The following ANKRD27 variants were observed in gnomAD, a reference collection of about 807,000 sequenced individuals.
ANKRD27 encodes the protein ankyrin repeat domain-containing protein 27.
In ANKRD27, 112 loss-of-function variants were observed where a neutral mutation model predicts 129.7. The observed-to-expected ratio is 0.86, with a 90% CI of 0.74 to 1.01. The LOEUF is 1.01. Ranked by LOEUF, ANKRD27 falls within the 50% of genes least tolerant of loss-of-function variation. ANKRD27 has a pLI of 0.00. For missense variants in ANKRD27, 1,258 were observed against 1,300.5 expected (o/e 0.97, Z 0.50); for synonymous variants, 516 against 511.2 (o/e 1.01, Z -0.13).
At chr19:32,639,277 C>T in intron 12 of ANKRD27, 79 bp downstream of exon 12, 1 of 1,564,440 alleles carries the variant, frequency 6.4e-7, no homozygotes, top group Non-Finnish European at 8.7e-7. Flanking sequence ...AATCCGTCTG[C>T]CCACATACCA....
rs772176447 is a variant in ANKRD27 at position 32,642,131 on chromosome 19, C to T, written c.797G>A (p.Arg266His). ...CAGCTGAGCCAGCTCTCTTTTGGCA[C>T]GAGGTATGTTAAAGCTGTAAAATAA... ...VKPEFSFNIP[R>H]AKRELAQLNK... is the part of the protein sequence containing the mutation. The change falls in exon 10 of 29, where the codon CGT becomes CAT. Residue 266 changes from arginine to histidine, a missense_variant. By Grantham distance (29) the Arg-to-His change is conservative. Transcript: ENST00000306065. 1.4e-5 allele frequency: 22 copies of T among 1,604,806 alleles called. No individual in the cohort carries two copies. Among genetic ancestry groups the T allele is most frequent in the African/African-American group, 1.3e-4 (10 of 74,580 alleles).
chr19:32,605,945 A>T lies in ANKRD27; in HGVS notation c.2383T>A (p.Cys795Ser), dbSNP rs781145259. 6.2e-7 allele frequency: 1 copy of T among 1,613,736 alleles called. No homozygotes were observed. The highest frequency in any genetic ancestry group is 1.1e-5 in the South Asian group (1 of 91,070). ...CQQGHFQVVK[C>S]LLDSNAKPNK... ...GGTTTTGCATTCGAATCTAACAGAC[A>T]CTTCACCACCTGGGCCAGAGAAGGA... Residue 795 changes from cysteine to serine, a missense_variant, in exon 24 of 29, where the codon TGT becomes AGT. Cys to Ser is a moderately radical substitution (Grantham distance 112, BLOSUM62 -1). Transcript: ENST00000306065.
At chr19:32,674,571 AC>A (rs10711405) in intron 1 of ANKRD27, among the ~76,000 whole-genome samples, 109,283 of 151,122 alleles carry the variant, frequency 0.72, 39,669 homozygotes, top group Non-Finnish European at 0.76. Context: ...GAATGCAGAG[AC>A]CCCCCCGCCC....
intron 2 of ANKRD27, among the ~76,000 whole-genome samples, chr19:32,652,187 G>A (rs907666384): frequency 6.6e-6 from 1 of 152,234 alleles, no homozygotes; most frequent in Non-Finnish European, 1.5e-5. Flanking sequence ...CGGCATAGAC[G>A]AAGTTCAGAG....
At chr19:32,607,495 T>C (rs2145261278) in intron 23 of ANKRD27, 140 bp downstream of exon 23, 1 of 1,028,918 alleles carries the variant, frequency 9.7e-7, no homozygotes, top group East Asian at 2.6e-5. Context: ...TGGCCTACCG[T>C]GTGCACCTCA....
intron 21 of ANKRD27, among the ~76,000 whole-genome samples, chr19:32,616,771 C>T (rs1191759625): frequency 6.6e-6 from 1 of 152,162 alleles, no homozygotes; most frequent in African/African-American, 2.4e-5. Context: ...CAGATACCTG[C>T]TTATGACTCC....
At chr19:32,665,203 T>C (rs1568421379) in intron 1 of ANKRD27, among the ~76,000 whole-genome samples, 1 of 151,982 alleles carries the variant, frequency 6.6e-6, no homozygotes, top group Non-Finnish European at 1.5e-5. Context: ...CCTTGTCCTT[T>C]ACAATATCAA....
intron 25 of ANKRD27, among the ~76,000 whole-genome samples, chr19:32,602,618 C>T (rs1003893553): frequency 1.3e-5 from 2 of 151,860 alleles, no homozygotes; most frequent in African/African-American, 4.8e-5. Flanking sequence ...AAAGGCCAGG[C>T]GCGATGGCTC....
chr19:32,629,849 T>G (rs964531228), intron 13 of ANKRD27, among the ~76,000 whole-genome samples: 3 of 97,690 alleles, frequency 3.1e-5, no homozygotes, highest in African/African-American at 2.0e-4. Flanking sequence ...GTGTTCTTTT[T>G]TTTTTTTTTT....
In ANKRD27 at chr19:32,658,777, T is replaced by A. The variant is rs1050245628; in HGVS notation, c.102+137A>T. The A allele has an allele frequency of 1.7e-5, 13 of 749,372 alleles. No individual in the cohort carries two copies. The African/African-American group carries it at 1.9e-4, about 11-fold the overall frequency. The allele number at this position is 749,372 out of a possible 1,614,324, so 46.4% of individuals were successfully genotyped here. ...GCGGCTCATGGGGGCCCCTCGCTGC[T>A]CACTCACAGACCAAGCACACTGCTG... is the stretch of plus-strand genomic sequence containing the variant. On this transcript the variant is annotated intron_variant, in intron 2 of 28. Coordinates refer to ENST00000306065, the MANE Select transcript of ANKRD27 (RefSeq NM_032139.3).
In ANKRD27 at chr19:32,598,125, TCAA is replaced by T. The variant is rs1462770803; in HGVS notation, c.*17_*19del. 3 of 1,607,290 alleles carry T rather than the reference TCAA, an allele frequency of 1.9e-6. No homozygotes were observed. Among genetic ancestry groups the T allele is most frequent in the Non-Finnish European group, 2.6e-6 (3 of 1,174,100 alleles). ...GCATCCTTGCTTCCTAGCAGTGGGT[TCAA>T]CAACTCCTCATTCCTGTTAGGACCG... On this transcript the variant is annotated 3_prime_UTR_variant, in exon 29 of 29. Transcript: ENST00000306065.
rs996255452 is a variant in ANKRD27, at chr19:32,597,232, A to G, written c.*913T>C. On this transcript the variant is annotated 3_prime_UTR_variant, in exon 29 of 29. Transcript: ENST00000306065. The stretch of plus-strand genomic sequence containing the variant: ...ATACGTGTAGCTCTAGGCCAATAAC[A>G]TAAAAATAACAGTATAATCTATAGA... The G allele has an allele frequency of 5.3e-5, 8 of 152,072 alleles. No homozygotes were observed. The highest frequency in any genetic ancestry group is 2.0e-4 in the African/African-American group (8 of 40,908). The allele number at this position is 152,072 out of a possible 1,614,324, so 9.4% of individuals were successfully genotyped here. A position where few individuals can be genotyped will look rare whatever the true frequency, so the allele number is the denominator to read the frequency against.
At chr19:32,610,102 G>C (rs1971811935) in intron 22 of ANKRD27, among the ~76,000 whole-genome samples, 1 of 152,096 alleles carries the variant, frequency 6.6e-6, no homozygotes, top group African/African-American at 2.4e-5. Flanking sequence ...ATGAGGTCAA[G>C]AGATCGAGAC....
chr19:32,601,110 C>A (rs1470742624), intron 26 of ANKRD27, among the ~76,000 whole-genome samples: 1 of 151,436 alleles, frequency 6.6e-6, no homozygotes. Flanking sequence ...ACCAGCCTGG[C>A]CAACATTGTG....
chr19:32,627,383 TTTA>T (rs1966904709), intron 15 of ANKRD27, among the ~76,000 whole-genome samples: 2 of 77,404 alleles, frequency 2.6e-5, no homozygotes, highest in Non-Finnish European at 3.9e-5. Context: ...TATTTATTTA[TTTA>T]TTTATTTATT....
At chr19:32,626,953 T>G in intron 15 of ANKRD27, 126 bp from the exon 16 acceptor site, 1 of 603,436 alleles carries the variant, frequency 1.7e-6, no homozygotes. Flanking sequence ...AGATACTTTT[T>G]CTGCTAGAGA....
chr19:32,647,462 G>A (rs259217), intron 3 of ANKRD27, among the ~76,000 whole-genome samples: 117,874 of 152,168 alleles, frequency 0.77, 46,268 homozygotes, highest in African/African-American at 0.9. Context: ...GTTCTGAGAG[G>A]GGGAGATTTT....
intron 25 of ANKRD27, 81 bp downstream of exon 25, chr19:32,604,162 GGGCCAGGTGTTGCTATTTTA>G: frequency 7.3e-7 from 1 of 1,361,178 alleles, no homozygotes; most frequent in Non-Finnish European, 9.8e-7. Flanking sequence ...GCGATGCCAA[GGGCCAGGTGTTGCTATTTTA>G]GATCCAGCTT....
At chr19:32,611,079 T>C (rs1187637648) in intron 22 of ANKRD27, among the ~76,000 whole-genome samples, 1 of 152,124 alleles carries the variant, frequency 6.6e-6, no homozygotes, top group Non-Finnish European at 1.5e-5. Context: ...TGAAGCAGTT[T>C]AGTGGTGTGT....
Sources: allele counts gnomAD v4.1 joint callset (sites outside exome capture counted in the v4.1 genomes callset), GRCh38; gene constraint gnomAD v4.1.1; transcripts MANE v1.5; gene names NCBI Gene and HGNC (gene_info 2026-07-23, HGNC 2026-07-21).